DNAJC3: variants seen among roughly 807,000 people sequenced by gnomAD.
DNAJC3 encodes the protein DnaJ heat shock protein family (Hsp40) member C3.
A neutral mutation model predicts 68.6 loss-of-function variants in DNAJC3; 38 were observed. The ratio of observed to expected loss-of-function variants is 0.55; its 90% CI spans 0.43 to 0.73. The LOEUF is 0.73. DNAJC3 is among the 30% of genes least tolerant of loss of function. DNAJC3 has a pLI of 0.00. For synonymous variants in DNAJC3, 203 were observed against 204.0 expected (o/e 1.00, Z 0.04); for missense variants, 526 against 591.9 (o/e 0.89, Z 1.16).
At chr13:95,754,601 C>T (rs1263037144) in intron 4 of DNAJC3, among the ~76,000 whole-genome samples, 3 of 151,808 alleles carry the variant, frequency 2.0e-5, no homozygotes, top group South Asian at 2.1e-4. Flanking sequence ...AATCCCAGCA[C>T]ATTGGGAGGC....
In DNAJC3 at chr13:95,677,231, C is replaced by G. The variant is rs369765018; in HGVS notation, c.-25C>G. 1 of 1,597,926 alleles carries G rather than the reference C, an allele frequency of 6.3e-7. No homozygotes were observed. Among genetic ancestry groups the G allele is most frequent in the Non-Finnish European group, 8.5e-7 (1 of 1,173,738 alleles). ...TGCTGGTGGGCCACACACCTTTCCT[C>G]CTCTTCACTCGCGAGCCCTCGGACA... On this transcript the variant is annotated 5_prime_UTR_variant, in exon 1 of 12. Coordinates refer to ENST00000602402, the MANE Select transcript of DNAJC3 (RefSeq NM_006260.5).
At position 95,709,316 on chromosome 13, in the gene DNAJC3, T is replaced by C; in HGVS notation, c.172T>C (p.Ser58Pro). The change falls in exon 2 of 12, where the codon TCT (serine) becomes CCT (proline). Residue 58 changes from serine (S) to proline (P), a missense_variant. By Grantham distance (74) the Ser-to-Pro change is moderately conservative. Transcript: ENST00000602402. Reference protein sequence around the residue: ...LAAGQLADALSQFHAAVDGDP... With the variant: ...LAAGQLADALPQFHAAVDGDP... The stretch of plus-strand genomic sequence containing the variant: ...AGCTGGACAGCTAGCTGATGCTTTA[T>C]CTCAGTTTCATGCTGCCGTAGGTTT... 1 of 1,589,388 alleles carries C rather than the reference T, an allele frequency of 6.3e-7. No homozygotes were observed. Among genetic ancestry groups the C allele is most frequent in the Non-Finnish European group, 8.6e-7 (1 of 1,169,426 alleles).
At chr13:95,784,342 G>T (rs1883534535) in intron 9 of DNAJC3, among the ~76,000 whole-genome samples, 1 of 152,126 alleles carries the variant, frequency 6.6e-6, no homozygotes, top group Non-Finnish European at 1.5e-5. Flanking sequence ...TCATTCCAGT[G>T]AAAAAGCAAA....
chr13:95,781,880 A>G (rs759486263), intron 9 of DNAJC3, among the ~76,000 whole-genome samples: 8 of 151,624 alleles, frequency 5.3e-5, no homozygotes, highest in Non-Finnish European at 1.2e-4. Context: ...AGGTATACAC[A>G]TGCTATGGTG....
chr13:95,781,236 A>G (rs1883441866), intron 9 of DNAJC3, among the ~76,000 whole-genome samples: 1 of 152,138 alleles, frequency 6.6e-6, no homozygotes, highest in African/African-American at 2.4e-5. Context: ...CACTCTGCTT[A>G]TAGTAGGGAT....
intron 1 of DNAJC3, among the ~76,000 whole-genome samples, chr13:95,703,799 T>G (rs1384937821): frequency 5.3e-5 from 8 of 151,952 alleles, no homozygotes; most frequent in Admixed American, 5.2e-4. Context: ...ATAGCTCTCT[T>G]GCCTTCTGCC....
At chr13:95,782,749 A>G (rs1051302728) in intron 9 of DNAJC3, among the ~76,000 whole-genome samples, 5 of 152,152 alleles carry the variant, frequency 3.3e-5, no homozygotes, top group African/African-American at 9.6e-5. Context: ...CATGGCAACA[A>G]AATTCTCCCG....
At chr13:95,712,564 A>G (rs890240478) in intron 2 of DNAJC3, among the ~76,000 whole-genome samples, 2 of 151,834 alleles carry the variant, frequency 1.3e-5, no homozygotes, top group Non-Finnish European at 2.9e-5. Context: ...TTTAGTAGAG[A>G]TGGGGTTTCA....
chr13:95,707,593 C>T (rs1447666779), intron 1 of DNAJC3, among the ~76,000 whole-genome samples: 1 of 152,164 alleles, frequency 6.6e-6, no homozygotes, highest in African/African-American at 2.4e-5. Context: ...CTCTGTGGGC[C>T]TGTCTCCTAG....
chr13:95,776,088 G>C (rs1303334848), intron 9 of DNAJC3, among the ~76,000 whole-genome samples: 1 of 151,738 alleles, frequency 6.6e-6, no homozygotes, highest in Non-Finnish European at 1.5e-5. Context: ...TTTTGCCCCA[G>C]AACTCCTTTC....
At chr13:95,776,889 C>T (rs1187361383) in intron 9 of DNAJC3, among the ~76,000 whole-genome samples, 1 of 152,142 alleles carries the variant, frequency 6.6e-6, no homozygotes, top group Non-Finnish European at 1.5e-5. Flanking sequence ...TCATCCTTCC[C>T]CTTTCTTTTC....
intron 4 of DNAJC3, among the ~76,000 whole-genome samples, chr13:95,748,643 C>G (rs1288328706): frequency 6.6e-6 from 1 of 152,118 alleles, no homozygotes; most frequent in East Asian, 1.9e-4. Flanking sequence ...TGGCGAAACC[C>G]TGTCTCCACT....
At chr13:95,727,518 T>C (rs567236978) in intron 4 of DNAJC3, among the ~76,000 whole-genome samples, 1 of 152,338 alleles carries the variant, frequency 6.6e-6, no homozygotes, top group East Asian at 1.9e-4. Flanking sequence ...TATCTGTCTT[T>C]AATAATCTTT....
chr13:95,761,480 A>G (rs909311900), intron 7 of DNAJC3, among the ~76,000 whole-genome samples: 4 of 152,212 alleles, frequency 2.6e-5, no homozygotes, highest in African/African-American at 7.2e-5. Context: ...GTAAGTTGCC[A>G]TCATGAGAAT....
Position 95,785,934 on chromosome 13 carries a change from G to T in DNAJC3, c.1076-5G>T. On this transcript the variant is annotated splice_region_variant and splice_polypyrimidine_tract_variant and intron_variant, in intron 9 of 11. Coordinates refer to ENST00000602402, the MANE Select transcript of DNAJC3 (RefSeq NM_006260.5). The stretch of plus-strand genomic sequence containing the variant: ...AACAATATTATCTTAAACATATTTT[G>T]ACAGCTATTCAGGATTATGAAACTG... 1 of 1,576,480 alleles carries T rather than the reference G, an allele frequency of 6.3e-7. No homozygotes were observed. Among genetic ancestry groups the T allele is most frequent in the South Asian group, 1.2e-5 (1 of 83,624 alleles).
At chr13:95,786,677 T>C (rs906977386) in intron 10 of DNAJC3, among the ~76,000 whole-genome samples, 1 of 152,192 alleles carries the variant, frequency 6.6e-6, no homozygotes, top group African/African-American at 2.4e-5. Context: ...CAAATATTTT[T>C]TAATACCAAG....
At chr13:95,762,065 C>G (rs866677448) in intron 7 of DNAJC3, among the ~76,000 whole-genome samples, 1 of 152,114 alleles carries the variant, frequency 6.6e-6, no homozygotes, top group Non-Finnish European at 1.5e-5. Context: ...GAGTTTGAGA[C>G]CAGCCTGACC....
chr13:95,777,399 T>C (rs975590682), intron 9 of DNAJC3, among the ~76,000 whole-genome samples: 1 of 152,336 alleles, frequency 6.6e-6, no homozygotes. Context: ...TAGATCCATC[T>C]TTCACTTCAG....
intron 4 of DNAJC3, among the ~76,000 whole-genome samples, chr13:95,751,561 T>A (rs952895483): frequency 3.9e-5 from 6 of 152,146 alleles, no homozygotes; most frequent in African/African-American, 1.4e-4. Context: ...ATATAAATAT[T>A]TAGAGGAAAG....
Sources: gnomAD v4.1 joint callset for allele counts (sites outside exome capture counted in the v4.1 genomes callset) on GRCh38, gnomAD v4.1.1 for gene constraint, MANE v1.5 for transcripts, NCBI Gene and HGNC (gene_info 2026-07-23, HGNC 2026-07-21) for gene names.